Variants in CFAP210 observed in about 807,000 individuals in gnomAD.
CFAP210 encodes cilia- and flagella- associated protein 210.
chr2:169,670,826 C>T, the CFAP210 span, among the ~76,000 whole-genome samples: 3 of 152,190 alleles, frequency 2.0e-5, no homozygotes, highest in Non-Finnish European at 4.4e-5. Context: ...TTATTTCTGA[C>T]ACATTCTATT....
At chr2:169,681,194 G>T in the CFAP210 span, 1 of 1,613,552 alleles carries the variant, frequency 6.2e-7, no homozygotes, top group South Asian at 1.1e-5. Flanking sequence ...AGGTAGAAGA[G>T]GCAGATAGAG....
At chr2:169,670,911 G>A in the CFAP210 span, among the ~76,000 whole-genome samples, 9 of 152,206 alleles carry the variant, frequency 5.9e-5, no homozygotes, top group Non-Finnish European at 8.8e-5. Flanking sequence ...GAAGGAAGGA[G>A]TATCAAAGAA....
chr2:169,690,149 G>T, the CFAP210 span, among the ~76,000 whole-genome samples: 1 of 152,076 alleles, frequency 6.6e-6, no homozygotes, highest in Non-Finnish European at 1.5e-5. Context: ...GCTGGGAGGT[G>T]TGTGCCACAT....
At chr2:169,676,359 T>C in the CFAP210 span, among the ~76,000 whole-genome samples, 1 of 131,674 alleles carries the variant, frequency 7.6e-6, no homozygotes, top group Admixed American at 7.2e-5. Flanking sequence ...GTGCTACTTC[T>C]GTGTTACAAA....
the CFAP210 span, chr2:169,681,425 T>C: frequency 1.3e-5 from 8 of 612,896 alleles, no homozygotes; most frequent in East Asian, 2.4e-4. Flanking sequence ...GGCATATATT[T>C]GAGTCCTTGC....
chr2:169,651,215 A>C, the CFAP210 span, among the ~76,000 whole-genome samples: 2 of 129,998 alleles, frequency 1.5e-5, no homozygotes, highest in Admixed American at 7.6e-5. Flanking sequence ...CGACAGAGCA[A>C]GACTCTGTCT....
chr2:169,690,162 A>C, the CFAP210 span, among the ~76,000 whole-genome samples: 1 of 152,084 alleles, frequency 6.6e-6, no homozygotes, highest in South Asian at 2.1e-4. Context: ...TGCCACATCT[A>C]GCTCATGTGC....
At chr2:169,657,223 T>C in the CFAP210 span, among the ~76,000 whole-genome samples, 364 of 152,036 alleles carry the variant, frequency 2.4e-3, no homozygotes, top group African/African-American at 8.4e-3. Flanking sequence ...AAAGATAAAA[T>C]GGGAGGGGAC....
chr2:169,652,326 G>C, the CFAP210 span, among the ~76,000 whole-genome samples: 1 of 152,184 alleles, frequency 6.6e-6, no homozygotes, highest in Non-Finnish European at 1.5e-5. Flanking sequence ...AAAGCCTTCA[G>C]AGAAAAGGTG....
the CFAP210 span, chr2:169,645,696 A>G: frequency 1.6e-6 from 1 of 624,164 alleles, no homozygotes; most frequent in South Asian, 2.3e-5. Context: ...TTTTATATAT[A>G]CCCAAAAGAA....
At chr2:169,647,917 G>T in the CFAP210 span, among the ~76,000 whole-genome samples, 1 of 152,038 alleles carries the variant, frequency 6.6e-6, no homozygotes, top group Non-Finnish European at 1.5e-5. Flanking sequence ...CACTTTGGGA[G>T]GCCGAAGCCA....
At chr2:169,650,224 A>G in the CFAP210 span, 15 of 1,156,010 alleles carry the variant, frequency 1.3e-5, no homozygotes, top group Non-Finnish European at 1.7e-5. Context: ...ATTGTTTTTA[A>G]TATCTTGGCT....
chr2:169,680,860 A>G, the CFAP210 span: 1 of 646,714 alleles, frequency 1.5e-6, no homozygotes, highest in Non-Finnish European at 2.7e-6. Context: ...TATATCACTT[A>G]TACCTAAATA....
chr2:169,691,292 T>C, the CFAP210 span, among the ~76,000 whole-genome samples: 2,509 of 152,304 alleles, frequency 0.016, 62 homozygotes, highest in African/African-American at 0.055. Flanking sequence ...TTCATTGATA[T>C]CCTCTATTTG....
the CFAP210 span, chr2:169,694,330 T>G: frequency 6.2e-7 from 1 of 1,613,800 alleles, no homozygotes; most frequent in African/African-American, 1.3e-5. Context: ...GTGTCCATGA[T>G]GCTCCTAGAT....
chr2:169,651,887 T>G, the CFAP210 span, among the ~76,000 whole-genome samples: 68,147 of 150,774 alleles, frequency 0.45, 16,228 homozygotes, highest in African/African-American at 0.58. Flanking sequence ...TTTTTTTTTT[T>G]TTTTTTAAGA....
At chr2:169,685,738 C>T in the CFAP210 span, among the ~76,000 whole-genome samples, 14,473 of 142,368 alleles carry the variant, frequency 0.1, 1,008 homozygotes, top group Middle Eastern at 0.16. Flanking sequence ...ATAGTTCTAG[C>T]TTTTATATTT....
At chr2:169,679,488 C>T in the CFAP210 span, among the ~76,000 whole-genome samples, 1 of 152,060 alleles carries the variant, frequency 6.6e-6, no homozygotes, top group Admixed American at 6.5e-5. Context: ...ACCATCCTGG[C>T]TAACATGGTG....
the CFAP210 span, chr2:169,649,433 C>T: frequency 8.1e-7 from 1 of 1,233,310 alleles, no homozygotes; most frequent in Non-Finnish European, 1.1e-6. Flanking sequence ...AGAGTTGAAG[C>T]AGAGGAGAGT....
Sources: gnomAD v4.1 joint callset for allele counts (sites outside exome capture counted in the v4.1 genomes callset) on GRCh38, gnomAD v4.1.1 for gene constraint, MANE v1.5 for transcripts, NCBI Gene and HGNC (gene_info 2026-07-23, HGNC 2026-07-21) for gene names.